The following SLC22A3 variants were observed in gnomAD, a reference collection of about 807,000 sequenced individuals.
SLC22A3 encodes EMT organic cation transporter 3.
A neutral mutation model predicts 59.1 loss-of-function variants in SLC22A3; 51 were observed. The observed-to-expected ratio is 0.86, with a 90% CI of 0.69 to 1.09. SLC22A3 has a LOEUF of 1.09. Among genes scored for constraint, SLC22A3 ranks in the 50% least tolerant of loss-of-function variants. The pLI is 0.00. For synonymous variants in SLC22A3, 325 were observed against 292.0 expected (o/e 1.11, Z -1.15); for missense variants, 711 against 726.3 (o/e 0.98, Z 0.24).
chr6:160,423,995 T>C (rs1219693493), intron 5 of SLC22A3, among the ~76,000 whole-genome samples: 1 of 152,234 alleles, frequency 6.6e-6, no homozygotes, highest in Non-Finnish European at 1.5e-5. Flanking sequence ...AATTAATTTT[T>C]GTATAAGGTG....
intron 1 of SLC22A3, among the ~76,000 whole-genome samples, chr6:160,391,814 A>G (rs1257804371): frequency 6.6e-6 from 1 of 152,234 alleles, no homozygotes; most frequent in Non-Finnish European, 1.5e-5. Context: ...CAAGGGCAGA[A>G]GTTAATAAAT....
intron 7 of SLC22A3, among the ~76,000 whole-genome samples, chr6:160,441,607 CTT>C (rs3066987): frequency 9.2e-4 from 125 of 136,542 alleles, no homozygotes; most frequent in African/African-American, 2.6e-3. Flanking sequence ...TGAATTTTAG[CTT>C]TTTTTTTTTT....
intron 5 of SLC22A3, among the ~76,000 whole-genome samples, chr6:160,428,624 CCT>C (rs1169802085): frequency 3.3e-5 from 5 of 152,024 alleles, no homozygotes; most frequent in South Asian, 2.1e-4. Context: ...ATTAATTTCC[CCT>C]GTTTCTCTTT....
At position 160,349,050 on chromosome 6, in the gene SLC22A3, C is replaced by T. The variant is rs1014955746; in HGVS notation, c.429+202C>T. The T allele has an allele frequency of 4.1e-6, 4 of 985,338 alleles. No homozygotes were observed. The African/African-American group carries it at 7.0e-5, about 17-fold the overall frequency. 61.0% of individuals were successfully genotyped at this position (985,338 alleles called of 1,614,324 possible). Reference sequence around the variant, plus strand: ...GCTGGGAAAAGCCTTTCGTTATCTGCCTGAGCCCGTGAGTTAATGCACAGA... The same window carrying T: ...GCTGGGAAAAGCCTTTCGTTATCTGTCTGAGCCCGTGAGTTAATGCACAGA... On this transcript the variant is annotated intron_variant, in intron 1 of 10. Transcript: ENST00000275300.
chr6:160,394,786 C>T (rs1321054482), intron 1 of SLC22A3, among the ~76,000 whole-genome samples: 1 of 151,596 alleles, frequency 6.6e-6, no homozygotes, highest in East Asian at 2.0e-4. Context: ...GTGTCCTGCC[C>T]TGCTGGGTGG....
intron 1 of SLC22A3, among the ~76,000 whole-genome samples, chr6:160,365,460 G>A (rs1785172672): frequency 6.6e-6 from 1 of 152,182 alleles, no homozygotes; most frequent in Admixed American, 6.5e-5. Context: ...TGGAGTTTCT[G>A]ATCCAATGGG....
In SLC22A3 at chr6:160,436,869, G is replaced by A. The variant is rs1301096180; in HGVS notation, c.1065G>A (p.Met355Ile). 2 of 1,613,570 alleles carry A rather than the reference G, an allele frequency of 1.2e-6. No homozygotes were observed. Among genetic ancestry groups the A allele is most frequent in the East Asian group, 2.2e-5 (1 of 44,862 alleles). ...TGAGGAAATGCACACTTATTCTTAT[G>A]TTTGCTTGGTAAGTTTGACTTGTGA... Reference protein sequence around the residue: ...PQMRKCTLILMFAWFTSAVVY... With the variant: ...PQMRKCTLILIFAWFTSAVVY... Residue 355 changes from methionine to isoleucine, a missense_variant, in exon 6 of 11, where the codon ATG becomes ATA. By Grantham distance (10) the Met-to-Ile change is conservative (BLOSUM62 1). Transcript: ENST00000275300.
In SLC22A3 at chr6:160,437,085, G is replaced by C. The variant is rs189883656; in HGVS notation, c.1162G>C (p.Val388Leu). 6.2e-7 allele frequency: 1 copy of C among 1,614,160 alleles called. No homozygotes were observed. ...NLYIDFFISGVVELPGALLIL... is the reference protein window; with the variant it reads ...NLYIDFFISGLVELPGALLIL... ...CTATATAGACTTTTTCATCTCGGGCGTGGTGGAACTGCCAGGAGCTCTCTT... is the reference window on the plus strand; with the variant it reads ...CTATATAGACTTTTTCATCTCGGGCCTGGTGGAACTGCCAGGAGCTCTCTT... The change falls in exon 7 of 11, where the codon GTG (valine) becomes CTG (leucine). Residue 388 changes from valine (V) to leucine (L), a missense_variant. Transcript: ENST00000275300.
intron 4 of SLC22A3, 130 bp downstream of exon 4, chr6:160,409,051 A>T: frequency 1.4e-6 from 1 of 715,938 alleles, no homozygotes; most frequent in African/African-American, 2.1e-5. Context: ...TCTAAGTTTT[A>T]GGGTACATGT....
In SLC22A3 at chr6:160,408,983, G is replaced by A. The variant is rs1328821283; in HGVS notation, c.857+62G>A. 8.8e-6 allele frequency: 11 copies of A among 1,249,714 alleles called. No individual in the cohort carries two copies. In the East Asian group the frequency reaches 2.7e-4, roughly 30 times the overall value. 77.4% of individuals were successfully genotyped at this position (1,249,714 alleles called of 1,614,324 possible). On this transcript the variant is annotated intron_variant, in intron 4 of 10. Transcript: ENST00000275300. ...TTCTGCAGAAATTAGACTCCAAACAGACATGAAAATGAAAGCAATAAAGAA... is the reference window on the plus strand; with the variant it reads ...TTCTGCAGAAATTAGACTCCAAACAAACATGAAAATGAAAGCAATAAAGAA...
chr6:160,372,376 T>G (rs1785433176), intron 1 of SLC22A3, among the ~76,000 whole-genome samples: 1 of 152,248 alleles, frequency 6.6e-6, no homozygotes, highest in Non-Finnish European at 1.5e-5. Context: ...ACTGTTGGTC[T>G]GATGGACTTC....
At chr6:160,392,564 C>A (rs1376084243) in intron 1 of SLC22A3, among the ~76,000 whole-genome samples, 1 of 152,184 alleles carries the variant, frequency 6.6e-6, no homozygotes, top group Non-Finnish European at 1.5e-5. Flanking sequence ...TTGGAGTGAT[C>A]TCCAACATAC....
chr6:160,355,092 A>C (rs1448420211), intron 1 of SLC22A3, among the ~76,000 whole-genome samples: 1 of 152,246 alleles, frequency 6.6e-6, no homozygotes, highest in African/African-American at 2.4e-5. Flanking sequence ...TCTGCACAGG[A>C]ATATGGGATT....
chr6:160,445,389 C>T (rs1355459231), intron 9 of SLC22A3, among the ~76,000 whole-genome samples: 1 of 152,156 alleles, frequency 6.6e-6, no homozygotes, highest in Non-Finnish European at 1.5e-5. Flanking sequence ...GGGACTGGAT[C>T]CGGAAGGGCC....
At chr6:160,406,193 T>TA (rs1338984323) in intron 2 of SLC22A3, among the ~76,000 whole-genome samples, 2 of 152,036 alleles carry the variant, frequency 1.3e-5, no homozygotes, top group African/African-American at 2.4e-5. Flanking sequence ...CAGAGTCCAC[T>TA]AAAAAAAATT....
Position 160,436,803 on chromosome 6 carries a change from T to C in SLC22A3, c.999T>C (p.Val333=). ...YSEITVTDEE[V]SNPSFLDLVR... ...AGATCACTGTTACAGATGAGGAAGTTAGTAATCCATCCTTTTTAGATCTGG... is the reference window on the plus strand; with the variant it reads ...AGATCACTGTTACAGATGAGGAAGTCAGTAATCCATCCTTTTTAGATCTGG... The change falls in exon 6 of 11, where the codon GTT becomes GTC. Residue 333 remains valine, a synonymous_variant. Transcript: ENST00000275300. 1 of 1,612,292 alleles carries C rather than the reference T, an allele frequency of 6.2e-7. No individual in the cohort carries two copies. Among genetic ancestry groups the C allele is most frequent in the Non-Finnish European group, 8.5e-7 (1 of 1,178,372 alleles).
chr6:160,435,932 C>G (rs898416551), intron 5 of SLC22A3, among the ~76,000 whole-genome samples: 3 of 152,110 alleles, frequency 2.0e-5, no homozygotes, highest in African/African-American at 4.8e-5. Context: ...AGCTCCAGAC[C>G]CACAGGGGAG....
chr6:160,447,674 A>G, intron 9 of SLC22A3, 45 bp from the exon 10 acceptor site: 1 of 1,545,326 alleles, frequency 6.5e-7, no homozygotes, highest in Non-Finnish European at 8.9e-7. Flanking sequence ...GAGAGGGCCC[A>G]GCTGTGTCTT....
chr6:160,391,259 T>G (rs1406639724), intron 1 of SLC22A3, among the ~76,000 whole-genome samples: 1 of 152,196 alleles, frequency 6.6e-6, no homozygotes, highest in African/African-American at 2.4e-5. Context: ...AAATAGTTGA[T>G]AACCTCTATA....
Sources: gnomAD v4.1 joint callset for allele counts (sites outside exome capture counted in the v4.1 genomes callset) on GRCh38, gnomAD v4.1.1 for gene constraint, MANE v1.5 for transcripts, NCBI Gene and HGNC (gene_info 2026-07-23, HGNC 2026-07-21) for gene names.